The following ZYG11B variants were observed in gnomAD, a reference collection of about 807,000 sequenced individuals.
ZYG11B encodes protein zyg-11 homolog B.
ZYG11B carries 36 observed loss-of-function variants against 82.4 expected under a neutral mutation model. That is an observed-to-expected ratio of 0.44 (90% CI 0.33 to 0.58). The LOEUF (loss-of-function observed/expected upper bound fraction) is 0.58. Ranked by LOEUF, ZYG11B falls within the 20% of genes least tolerant of loss-of-function variation. The probability of loss-of-function intolerance (pLI) is 0.02; values close to 1 mark genes in which losing one functional copy is unlikely to be tolerated. For synonymous variants in ZYG11B, 303 were observed against 312.8 expected, an observed-to-expected ratio of 0.97 and a Z score of 0.33; for missense variants, 552 against 895.6, an observed-to-expected ratio of 0.62 and a Z score of 4.90.
chr1:52,819,649 T>C (rs900573472), intron 13 of ZYG11B, among the ~76,000 whole-genome samples: 2 of 151,688 alleles, frequency 1.3e-5, no homozygotes, highest in East Asian at 2.0e-4. Flanking sequence ...TAGCTGTGGG[T>C]TGTGGCACAC....
chr1:52,815,900 A>G (rs1645220069), intron 12 of ZYG11B, among the ~76,000 whole-genome samples: 1 of 152,156 alleles, frequency 6.6e-6, no homozygotes, highest in African/African-American at 2.4e-5. Context: ...GCGCCACTGC[A>G]CTCCAGCCTG....
chr1:52,774,778 C>T (rs762028467), intron 3 of ZYG11B, among the ~76,000 whole-genome samples: 10 of 151,892 alleles, frequency 6.6e-5, no homozygotes, highest in Non-Finnish European at 1.2e-4. Context: ...TTTCCCCACT[C>T]GATTTTCTCT....
intron 3 of ZYG11B, among the ~76,000 whole-genome samples, chr1:52,774,217 G>T (rs1226595503): frequency 1.3e-5 from 2 of 151,586 alleles, no homozygotes; most frequent in Admixed American, 1.3e-4. Flanking sequence ...CAGGCTCACT[G>T]CAGCCTCTAC....
intron 1 of ZYG11B, among the ~76,000 whole-genome samples, chr1:52,740,753 C>T (rs1448444234): frequency 2.6e-5 from 4 of 151,508 alleles, no homozygotes; most frequent in African/African-American, 9.7e-5. Flanking sequence ...TTAGTAGAAA[C>T]GGGGTTTCAC....
At chr1:52,749,152 G>A (rs1207070976) in intron 1 of ZYG11B, among the ~76,000 whole-genome samples, 5 of 152,102 alleles carry the variant, frequency 3.3e-5, no homozygotes, top group East Asian at 1.9e-4. Flanking sequence ...GCAGTGAGCC[G>A]AGATCGTGCC....
Position 52,771,796 on chromosome 1 carries a change from A to AT in ZYG11B, c.951+26dup, listed in dbSNP as rs748047086. The stretch of plus-strand genomic sequence containing the variant: ...GAAGGTTAGACTTTAAAAATGTATT[A>AT]TTTTGTCAGGCTGACCAATATCTTA... On this transcript the variant is annotated intron_variant, in intron 3 of 13. Coordinates refer to ENST00000294353, the MANE Select transcript of ZYG11B (RefSeq NM_024646.3). The surrounding 1 kb of genome is among the most constrained non-coding windows in gnomAD (Gnocchi z 5.4). 1.3e-6 allele frequency: 2 copies of AT among 1,586,182 alleles called. No individual in the cohort carries two copies. Among genetic ancestry groups the AT allele is most frequent in the African/African-American group, 2.7e-5 (2 of 73,788 alleles).
intron 6 of ZYG11B, among the ~76,000 whole-genome samples, chr1:52,791,445 T>C (rs34109074): frequency 0.066 from 10,108 of 152,082 alleles, 517 homozygotes; most frequent in African/African-American, 0.14. Flanking sequence ...CTCGGCTCAC[T>C]GCAACCTCCA....
At position 52,730,941 on chromosome 1, in the gene ZYG11B, G is replaced by C. The variant is rs2149916225; in HGVS notation, c.30+4258G>C. Among the ~76,000 whole-genome samples the C allele has an allele frequency of 2.6e-5, 4 of 152,106 alleles. No homozygotes were observed. The South Asian group carries it at 8.3e-4, about 32-fold the overall frequency. Reference sequence around the variant, plus strand: ...TTGCAGAGGGTCTTACTTTCAAGTAGAGAACTGAGGGATTAAATTGTAGGA... The same window carrying C: ...TTGCAGAGGGTCTTACTTTCAAGTACAGAACTGAGGGATTAAATTGTAGGA... On this transcript the variant is annotated intron_variant, in intron 1 of 13. Transcript: ENST00000294353.
intron 2 of ZYG11B, among the ~76,000 whole-genome samples, chr1:52,759,121 G>A (rs983178286): frequency 1.3e-5 from 2 of 151,970 alleles, no homozygotes; most frequent in Admixed American, 6.6e-5. Flanking sequence ...TAGTAGAGAC[G>A]GGGTTTCACC....
chr1:52,819,559 G>A (rs898962448), intron 13 of ZYG11B, among the ~76,000 whole-genome samples: 18 of 152,056 alleles, frequency 1.2e-4, no homozygotes, highest in East Asian at 9.8e-4. Flanking sequence ...AGGCCAAGGC[G>A]GGTGGATCAC....
At position 52,771,834 on chromosome 1, in the gene ZYG11B, T is replaced by C. The variant is rs1644754299; in HGVS notation, c.951+60T>C. The C allele has an allele frequency of 2.6e-6, 4 of 1,524,796 alleles. No individual in the cohort carries two copies. Among genetic ancestry groups the C allele is most frequent in the African/African-American group, 2.8e-5 (2 of 72,196 alleles). 94.5% of individuals were successfully genotyped at this position (1,524,796 alleles called of 1,614,324 possible). On this transcript the variant is annotated intron_variant, in intron 3 of 13. Coordinates refer to ENST00000294353, the MANE Select transcript of ZYG11B (RefSeq NM_024646.3). This position sits in a 1 kb window ranked among gnomAD's most constrained non-coding sequence, Gnocchi z 5.4. ...GACCAATATCTTAGTTGCATAAGAC[T>C]CTATTAAAGATGAATGTCTGTAATA...
At chr1:52,804,556 T>C (rs36049921) in intron 10 of ZYG11B, among the ~76,000 whole-genome samples, 8,481 of 151,860 alleles carry the variant, frequency 0.056, 308 homozygotes, top group African/African-American at 0.1. Flanking sequence ...GAGGTTGCTG[T>C]GAGCCGAGAT....
chr1:52,742,790 C>G lies in ZYG11B; in HGVS notation c.31-13668C>G, dbSNP rs536932525. On this transcript the variant is annotated intron_variant, in intron 1 of 13. Coordinates refer to ENST00000294353, the MANE Select transcript of ZYG11B (RefSeq NM_024646.3). ...CCGGGAGGCGGAGCTTGCAGTGAGC[C>G]GAGATCGTGCCACTGCACTCCAGCC... Among the ~76,000 whole-genome samples, 11 of 149,354 alleles carry G rather than the reference C, an allele frequency of 7.4e-5. No homozygotes were observed. The South Asian group carries it at 2.3e-3, about 32-fold the overall frequency.
At chr1:52,785,878 C>T (rs1337005475) in intron 5 of ZYG11B, among the ~76,000 whole-genome samples, 2 of 152,154 alleles carry the variant, frequency 1.3e-5, no homozygotes, top group African/African-American at 4.8e-5. Flanking sequence ...CAGCTTCCCT[C>T]ATTGAGGGCA....
Position 52,821,426 on chromosome 1 carries a change from T to C in ZYG11B, c.2045-13T>C. 1 of 1,525,584 alleles carries C rather than the reference T, an allele frequency of 6.6e-7. No homozygotes were observed. Among genetic ancestry groups the C allele is most frequent in the Non-Finnish European group, 8.8e-7 (1 of 1,133,054 alleles). The allele number at this position is 1,525,584 out of a possible 1,614,324, so 94.5% of individuals were successfully genotyped here. On this transcript the variant is annotated splice_polypyrimidine_tract_variant and intron_variant, in intron 13 of 13. Coordinates refer to ENST00000294353, the MANE Select transcript of ZYG11B (RefSeq NM_024646.3). Reference sequence around the variant, plus strand: ...TTTCTCCTGTTTTGTGTGTGTTTTTTTTTCTTTTTCAGCTTCAAGGTATTG... The same window carrying C: ...TTTCTCCTGTTTTGTGTGTGTTTTTCTTTCTTTTTCAGCTTCAAGGTATTG...
intron 1 of ZYG11B, among the ~76,000 whole-genome samples, chr1:52,745,645 A>G (rs1571746216): frequency 7.2e-6 from 1 of 138,566 alleles, no homozygotes. Flanking sequence ...GCTCACTGCA[A>G]CCTCTGCCTC....
At chr1:52,799,665 C>T (rs1306822543) in intron 8 of ZYG11B, among the ~76,000 whole-genome samples, 3 of 151,382 alleles carry the variant, frequency 2.0e-5, no homozygotes, top group Non-Finnish European at 2.9e-5. Flanking sequence ...TGTGGTGGTA[C>T]GCATCTGTAA....
In ZYG11B at chr1:52,746,876, G is replaced by GTT. The variant is rs1406644636; in HGVS notation, c.31-9568_31-9567dup. Among the ~76,000 whole-genome samples the GTT allele has an allele frequency of 3.1e-3, 394 of 128,250 alleles. 2 individuals carry two copies. Among genetic ancestry groups the GTT allele is most frequent in the African/African-American group, 0.011 (368 of 34,772 alleles). 84.1% of individuals were successfully genotyped at this position (128,250 alleles called of 152,430 possible). A position where few individuals can be genotyped will look rare whatever the true frequency, so the allele number is the denominator to read the frequency against. ...GTTAAATCTGGGATTTATTTTTGGA[G>GTT]TTTTTTTTTTTTTTTGGCGGGTAAG... On this transcript the variant is annotated intron_variant, in intron 1 of 13. Transcript: ENST00000294353.
intron 1 of ZYG11B, among the ~76,000 whole-genome samples, chr1:52,742,010 T>C (rs1644435009): frequency 6.6e-6 from 1 of 152,196 alleles, no homozygotes; most frequent in African/African-American, 2.4e-5. Context: ...ATTGTCGAGT[T>C]TGTAATTTTT....
Sources: allele counts gnomAD v4.1 joint callset (sites outside exome capture counted in the v4.1 genomes callset), GRCh38; gene constraint gnomAD v4.1.1; non-coding constraint Gnocchi (gnomAD v3.1); transcripts MANE v1.5; gene names NCBI Gene and HGNC (gene_info 2026-07-23, HGNC 2026-07-21).